Variants in ADAM18 observed in about 807,000 individuals in gnomAD.
ADAM18 encodes the protein ADAM metallopeptidase domain 18.
ADAM18 carries 117 observed loss-of-function variants against 94.4 expected under a neutral mutation model. The observed-to-expected ratio is 1.24, with a 90% confidence interval of 1.07 to 1.45. The LOEUF (loss-of-function observed/expected upper bound fraction) is 1.45, where lower values mean the gene tolerates loss of function less well. ADAM18 is among the 40% of genes most tolerant of loss of function. ADAM18 has a pLI of 0.00. For synonymous variants in ADAM18, 327 were observed against 291.6 expected (o/e 1.12, Z -1.24); for missense variants, 936 against 880.0 (o/e 1.06, Z -0.81).
chr8:39,588,696 A>G (rs1256627300), intron 2 of ADAM18, among the ~76,000 whole-genome samples: 2 of 152,214 alleles, frequency 1.3e-5, no homozygotes, highest in Non-Finnish European at 1.5e-5. Context: ...ATTTCCTGCT[A>G]TCAATGCCTT....
chr8:39,655,800 A>G (rs1470231466), intron 12 of ADAM18, among the ~76,000 whole-genome samples: 2 of 152,136 alleles, frequency 1.3e-5, no homozygotes, highest in Admixed American at 6.5e-5. Context: ...CACTTGTTAC[A>G]TAGTCAATTC....
rs757876179 is a variant in ADAM18 at position 39,721,685 on chromosome 8, G to A, written c.2018-2063G>A. On this transcript the variant is annotated intron_variant, in intron 18 of 19. Coordinates refer to ENST00000265707, the MANE Select transcript of ADAM18 (RefSeq NM_014237.3). ...ATGATCAGCATCACTAATCATCAGA[G>A]AAATGCAAATTAAAACTACAATGAG... is the stretch of plus-strand genomic sequence containing the variant. Among the ~76,000 whole-genome samples, 40 of 151,564 alleles carry A rather than the reference G, an allele frequency of 2.6e-4. 2 individuals are homozygous for A. Among genetic ancestry groups the A allele is most frequent in the Admixed American group, 1.1e-3 (17 of 15,172 alleles).
intron 18 of ADAM18, among the ~76,000 whole-genome samples, chr8:39,720,866 C>A (rs996961921): frequency 1.3e-5 from 2 of 151,298 alleles, no homozygotes; most frequent in Non-Finnish European, 3.0e-5. Flanking sequence ...TGACACTTCC[C>A]GTGTATGCAT....
chr8:39,606,649 T>C (rs1819095464), intron 3 of ADAM18, among the ~76,000 whole-genome samples: 1 of 152,134 alleles, frequency 6.6e-6, no homozygotes, highest in African/African-American at 2.4e-5. Context: ...AAGTTATATA[T>C]TAAGTATATC....
chr8:39,664,138 A>G (rs1392936609), intron 13 of ADAM18, among the ~76,000 whole-genome samples: 1 of 152,206 alleles, frequency 6.6e-6, no homozygotes, highest in East Asian at 1.9e-4. Context: ...TGCAAACATG[A>G]ATTAGGTGCA....
chr8:39,641,255 T>C (rs1585928669), intron 10 of ADAM18, among the ~76,000 whole-genome samples: 1 of 152,232 alleles, frequency 6.6e-6, no homozygotes, highest in East Asian at 1.9e-4. Context: ...ATTTATTAAA[T>C]AGGCAATCCT....
At chr8:39,622,406 A>C (rs1425506192) in intron 6 of ADAM18, among the ~76,000 whole-genome samples, 1 of 151,464 alleles carries the variant, frequency 6.6e-6, no homozygotes, top group Non-Finnish European at 1.5e-5. Flanking sequence ...ATTTTGAAAA[A>C]ATCATAGGCA....
At chr8:39,598,579 C>A (rs889804832) in intron 2 of ADAM18, among the ~76,000 whole-genome samples, 1 of 151,796 alleles carries the variant, frequency 6.6e-6, no homozygotes. Context: ...ACCTGCCTGG[C>A]CAACATGGCA....
chr8:39,639,273 A>G (rs1482575696), intron 10 of ADAM18, among the ~76,000 whole-genome samples: 1 of 151,948 alleles, frequency 6.6e-6, no homozygotes, highest in Non-Finnish European at 1.5e-5. Flanking sequence ...CCTCCCACCT[A>G]TTACCCATAC....
chr8:39,691,655 C>T (rs1436631907), intron 16 of ADAM18, among the ~76,000 whole-genome samples: 1 of 151,862 alleles, frequency 6.6e-6, no homozygotes, highest in Non-Finnish European at 1.5e-5. Context: ...TAGTGATAAA[C>T]AAATAAAATC....
At chr8:39,724,391 T>C (rs773458945) in intron 19 of ADAM18, among the ~76,000 whole-genome samples, 1 of 151,892 alleles carries the variant, frequency 6.6e-6, no homozygotes, top group Non-Finnish European at 1.5e-5. Context: ...TTTTAATGTC[T>C]GTAGGGTCAG....
chr8:39,596,607 G>A (rs940930534), intron 2 of ADAM18, among the ~76,000 whole-genome samples: 1 of 152,132 alleles, frequency 6.6e-6, no homozygotes, highest in African/African-American at 2.4e-5. Flanking sequence ...CTAAGATTTG[G>A]CAGCTATGAA....
At chr8:39,627,801 TA>T (rs1222427807) in intron 6 of ADAM18, among the ~76,000 whole-genome samples, 19 of 152,148 alleles carry the variant, frequency 1.2e-4, no homozygotes, top group Admixed American at 2.0e-4. Flanking sequence ...GTTACTGTTT[TA>T]TAGGTCCTAT....
At chr8:39,635,095 C>T (rs1016663790) in intron 7 of ADAM18, among the ~76,000 whole-genome samples, 2 of 152,166 alleles carry the variant, frequency 1.3e-5, no homozygotes, top group African/African-American at 4.8e-5. Flanking sequence ...TCTCTTCTGC[C>T]TTCTGCCATG....
chr8:39,645,264 G>A, intron 10 of ADAM18, 74 bp from the exon 11 acceptor site: 5 of 1,265,188 alleles, frequency 4.0e-6, no homozygotes, highest in Non-Finnish European at 5.5e-6. Context: ...AAATATGATA[G>A]GAGTAAAAAT....
At chr8:39,631,177 G>T (rs558285551) in intron 7 of ADAM18, among the ~76,000 whole-genome samples, 9 of 151,990 alleles carry the variant, frequency 5.9e-5, no homozygotes, top group African/African-American at 2.2e-4. Context: ...CTCATTTAAT[G>T]ATGTCTTTTG....
intron 18 of ADAM18, among the ~76,000 whole-genome samples, chr8:39,716,571 T>C (rs879375697): frequency 2.3e-4 from 35 of 151,988 alleles, no homozygotes; most frequent in Admixed American, 3.3e-4. Context: ...CTTATTCTGA[T>C]TTCAATCTTC....
intron 2 of ADAM18, among the ~76,000 whole-genome samples, chr8:39,597,586 T>C (rs1818777598): frequency 6.6e-6 from 1 of 152,222 alleles, no homozygotes; most frequent in African/African-American, 2.4e-5. Context: ...CAGTTTACTT[T>C]ATTTACATAG....
intron 17 of ADAM18, among the ~76,000 whole-genome samples, chr8:39,705,376 T>A (rs759105124): frequency 2.0e-5 from 3 of 152,184 alleles, no homozygotes; most frequent in Non-Finnish European, 2.9e-5. Context: ...TCCTTTGTTG[T>A]CTTCAGGTAT....
Sources: gnomAD v4.1 joint callset for allele counts (sites outside exome capture counted in the v4.1 genomes callset) on GRCh38, gnomAD v4.1.1 for gene constraint, MANE v1.5 for transcripts, NCBI Gene and HGNC (gene_info 2026-07-23, HGNC 2026-07-21) for gene names.